CHRM5: variants seen among roughly 807,000 people sequenced by gnomAD.
CHRM5 encodes the protein muscarinic acetylcholine receptor M5.
Under a neutral mutation model 39.0 loss-of-function variants are expected in CHRM5, and 18 were observed. The ratio of observed to expected loss-of-function variants is 0.46; its 90% CI spans 0.32 to 0.68. The LOEUF is 0.68. Ranked by LOEUF, CHRM5 falls within the 30% of genes least tolerant of loss-of-function variation. CHRM5 has a pLI of 0.04. For missense variants in CHRM5, 515 were observed against 651.1 expected, an observed-to-expected ratio of 0.79 and a Z score of 2.28; for synonymous variants, 241 against 246.3, an observed-to-expected ratio of 0.98 and a Z score of 0.20.
intron 1 of CHRM5, among the ~76,000 whole-genome samples, chr15:33,987,640 T>A (rs1896535147): frequency 6.6e-6 from 1 of 152,256 alleles, no homozygotes; most frequent in African/African-American, 2.4e-5. Context: ...TCAAGGCTGC[T>A]GCCAGCTGCT....
At chr15:34,061,845 G>C (rs1900343203) in intron 2 of CHRM5, among the ~76,000 whole-genome samples, 1 of 152,162 alleles carries the variant, frequency 6.6e-6, no homozygotes, top group African/African-American at 2.4e-5. Flanking sequence ...GGTATAATAT[G>C]GTCTTGGCTC....
intron 1 of CHRM5, among the ~76,000 whole-genome samples, chr15:33,987,515 C>A (rs769769334): frequency 1.1e-4 from 16 of 152,176 alleles, no homozygotes; most frequent in Non-Finnish European, 2.1e-4. Flanking sequence ...CTCTCCTCCC[C>A]AGCTGCAGCC....
chr15:34,003,772 A>C (rs2140630514), intron 1 of CHRM5, among the ~76,000 whole-genome samples: 1 of 152,322 alleles, frequency 6.6e-6, no homozygotes, highest in Non-Finnish European at 1.5e-5. Context: ...ATTTATACAT[A>C]AGATTCCATA....
In CHRM5 at chr15:34,065,926, G is replaced by A. The variant is rs1900498597; in HGVS notation, c.*1610G>A. Reference sequence around the variant, plus strand: ...CCTTTTCAGTCTCATTTGCTAAGAGGATGGAAAATTAGCTGGTTTAGTTGT... The same window carrying A: ...CCTTTTCAGTCTCATTTGCTAAGAGAATGGAAAATTAGCTGGTTTAGTTGT... On this transcript the variant is annotated 3_prime_UTR_variant, in exon 3 of 3. Transcript: ENST00000383263. 1 of 152,166 alleles carries A rather than the reference G, an allele frequency of 6.6e-6. No homozygotes were observed. The highest frequency in any genetic ancestry group is 2.1e-4 in the South Asian group (1 of 4,828). 9.4% of individuals were successfully genotyped at this position (152,166 alleles called of 1,614,324 possible).
intron 1 of CHRM5, among the ~76,000 whole-genome samples, chr15:33,997,976 A>C (rs1897004055): frequency 6.6e-6 from 1 of 152,062 alleles, no homozygotes; most frequent in South Asian, 2.1e-4. Context: ...AGGAAACTAT[A>C]CTTTCCCACT....
intron 1 of CHRM5, among the ~76,000 whole-genome samples, chr15:34,025,208 G>A (rs1898402356): frequency 6.6e-6 from 1 of 152,188 alleles, no homozygotes; most frequent in Non-Finnish European, 1.5e-5. Context: ...ATGTGAAAAT[G>A]AATAAGATTC....
intron 2 of CHRM5, among the ~76,000 whole-genome samples, chr15:34,048,818 A>G (rs916832029): frequency 6.6e-6 from 1 of 152,146 alleles, no homozygotes; most frequent in African/African-American, 2.4e-5. Flanking sequence ...TCCTCCTGGG[A>G]TGGAGCCTCC....
At chr15:34,007,183 T>C in intron 1 of CHRM5, 1 of 373,044 alleles carries the variant, frequency 2.7e-6, no homozygotes, top group Middle Eastern at 1.3e-3. Flanking sequence ...CAAATCCATT[T>C]AAAACAAATT....
chr15:34,036,683 T>C (rs531588942), intron 1 of CHRM5, among the ~76,000 whole-genome samples: 58 of 152,330 alleles, frequency 3.8e-4, no homozygotes, highest in Non-Finnish European at 6.2e-4. Flanking sequence ...CCTCCAGCTT[T>C]GGCTGAAAAC....
At chr15:34,028,519 CA>C (rs1898605267) in intron 1 of CHRM5, among the ~76,000 whole-genome samples, 1 of 152,178 alleles carries the variant, frequency 6.6e-6, no homozygotes, top group Non-Finnish European at 1.5e-5. Flanking sequence ...GAGCTATCAT[CA>C]TGCCATGGGC....
intron 1 of CHRM5, among the ~76,000 whole-genome samples, chr15:34,006,300 G>A (rs1897338152): frequency 6.9e-6 from 1 of 145,690 alleles, no homozygotes; most frequent in Admixed American, 6.8e-5. Flanking sequence ...AACAGAGCGA[G>A]ACTCCGTCTC....
intron 2 of CHRM5, among the ~76,000 whole-genome samples, chr15:34,057,434 GC>G (rs1484272363): frequency 2.0e-5 from 3 of 151,996 alleles, no homozygotes; most frequent in Non-Finnish European, 4.4e-5. Context: ...GAGCCACTGT[GC>G]CCAGCCAGAA....
chr15:34,043,765 C>G (rs951980087), intron 1 of CHRM5, among the ~76,000 whole-genome samples: 1 of 152,150 alleles, frequency 6.6e-6, no homozygotes, highest in Admixed American at 6.5e-5. Context: ...CTCCTTCCAC[C>G]CTCACTCTCA....
intron 1 of CHRM5, among the ~76,000 whole-genome samples, chr15:33,992,827 A>C (rs1302038476): frequency 8.5e-5 from 13 of 152,230 alleles, no homozygotes; most frequent in Admixed American, 8.5e-4. Flanking sequence ...GGAGGGAAGA[A>C]ATTCCAATGT....
chr15:34,011,631 A>C (rs983234482), intron 1 of CHRM5, among the ~76,000 whole-genome samples: 7 of 152,118 alleles, frequency 4.6e-5, no homozygotes, highest in African/African-American at 1.4e-4. Context: ...AAGGGAGGAG[A>C]GAGGCATCCC....
At chr15:34,034,969 C>T (rs1449191639) in intron 1 of CHRM5, among the ~76,000 whole-genome samples, 3 of 152,174 alleles carry the variant, frequency 2.0e-5, no homozygotes, top group Non-Finnish European at 4.4e-5. Context: ...GGCTGACAAG[C>T]GGCTGGTGGC....
At chr15:34,005,703 T>C (rs1046796764) in intron 1 of CHRM5, among the ~76,000 whole-genome samples, 1 of 152,248 alleles carries the variant, frequency 6.6e-6, no homozygotes, top group Non-Finnish European at 1.5e-5. Flanking sequence ...TTTGATCCAC[T>C]GTAAATTTCT....
At chr15:33,995,144 G>A (rs2140587367) in intron 1 of CHRM5, among the ~76,000 whole-genome samples, 1 of 152,114 alleles carries the variant, frequency 6.6e-6, no homozygotes, top group South Asian at 2.1e-4. Flanking sequence ...CACCTCTATA[G>A]TCCCACCTAC....
At chr15:34,027,552 G>T (rs1268234303) in intron 1 of CHRM5, among the ~76,000 whole-genome samples, 1 of 132,294 alleles carries the variant, frequency 7.6e-6, no homozygotes, top group African/African-American at 2.5e-5. Flanking sequence ...GAAAGAAAAC[G>T]AACAGCCTCA....
Sources: gnomAD v4.1 joint callset for allele counts (sites outside exome capture counted in the v4.1 genomes callset) on GRCh38, gnomAD v4.1.1 for gene constraint, MANE v1.5 for transcripts, NCBI Gene and HGNC (gene_info 2026-07-23, HGNC 2026-07-21) for gene names.